The following MAD1L1 variants were observed in gnomAD, a reference collection of about 807,000 sequenced individuals.
MAD1L1 encodes mitotic arrest deficient 1 like 1, also known as mitotic spindle assembly checkpoint protein MAD1.
Under a neutral mutation model 96.9 loss-of-function variants are expected in MAD1L1, and 95 were observed. The observed-to-expected ratio is 0.98, with a 90% confidence interval of 0.83 to 1.16. The LOEUF (loss-of-function observed/expected upper bound fraction) is 1.16, where lower values mean the gene tolerates loss of function less well. Among genes scored for constraint, MAD1L1 ranks in the 50% most tolerant of loss-of-function variants. The pLI is 0.00. For synonymous variants in MAD1L1, 473 were observed against 396.6 expected (o/e 1.19, Z -2.29); for missense variants, 1,007 against 954.4 (o/e 1.06, Z -0.73).
chr7:2,161,002 C>T (rs975490737), intron 10 of MAD1L1, among the ~76,000 whole-genome samples: 2 of 151,712 alleles, frequency 1.3e-5, no homozygotes, highest in African/African-American at 4.8e-5. Context: ...TCCTAACTGA[C>T]GCTCAGCTAT....
intron 17 of MAD1L1, among the ~76,000 whole-genome samples, chr7:1,909,217 C>A (rs546887165): frequency 1.3e-5 from 2 of 152,150 alleles, no homozygotes; most frequent in Non-Finnish European, 2.9e-5. Flanking sequence ...CTGCACGCTG[C>A]GGACACAGGA....
At chr7:1,871,204 C>T (rs1175485220) in intron 18 of MAD1L1, among the ~76,000 whole-genome samples, 4 of 146,996 alleles carry the variant, frequency 2.7e-5, no homozygotes, top group Admixed American at 1.3e-4. Context: ...CATGCTGAAC[C>T]CACCGTAACA....
intron 11 of MAD1L1, among the ~76,000 whole-genome samples, chr7:2,131,998 C>T (rs1176368910): frequency 6.6e-6 from 1 of 152,186 alleles, no homozygotes; most frequent in Non-Finnish European, 1.5e-5. Flanking sequence ...CCCGCCGCGG[C>T]GCTGCCTCCT....
chr7:1,997,288 A>G (rs1781600679), intron 14 of MAD1L1, among the ~76,000 whole-genome samples: 1 of 152,250 alleles, frequency 6.6e-6, no homozygotes. Flanking sequence ...CGGGACGGGC[A>G]CTAGGGCCAT....
intron 17 of MAD1L1, among the ~76,000 whole-genome samples, chr7:1,903,842 C>G (rs369740126): frequency 1.2e-4 from 14 of 120,440 alleles, no homozygotes; most frequent in Middle Eastern, 0.011. Flanking sequence ...CATAATTGAT[C>G]AAGCACTGTT....
intron 12 of MAD1L1, among the ~76,000 whole-genome samples, chr7:2,032,296 G>A (rs1489931195): frequency 6.6e-6 from 1 of 151,748 alleles, no homozygotes; most frequent in Non-Finnish European, 1.5e-5. Flanking sequence ...TTTCAGATGA[G>A]GACAAGGCTC....
intron 12 of MAD1L1, among the ~76,000 whole-genome samples, chr7:2,029,568 G>T (rs1024873091): frequency 1.3e-5 from 2 of 152,110 alleles, no homozygotes; most frequent in African/African-American, 4.8e-5. Flanking sequence ...AGATTAAAAG[G>T]CAGTAATTTT....
chr7:1,889,900 C>T (rs982237379), intron 18 of MAD1L1, among the ~76,000 whole-genome samples: 3 of 152,228 alleles, frequency 2.0e-5, no homozygotes, highest in African/African-American at 7.2e-5. Flanking sequence ...GGGCCTGCTG[C>T]CACAGCTCGT....
At chr7:1,927,232 G>C (rs929284212) in intron 17 of MAD1L1, among the ~76,000 whole-genome samples, 1 of 152,134 alleles carries the variant, frequency 6.6e-6, no homozygotes, top group East Asian at 1.9e-4. Flanking sequence ...AAGAAAATAA[G>C]AAGAACGTAA....
At chr7:2,116,792 G>A (rs1185819966) in intron 11 of MAD1L1, among the ~76,000 whole-genome samples, 1 of 152,228 alleles carries the variant, frequency 6.6e-6, no homozygotes, top group Non-Finnish European at 1.5e-5. Context: ...CCTTAGCCAA[G>A]GAGGCAGGCA....
intron 14 of MAD1L1, among the ~76,000 whole-genome samples, chr7:1,982,340 C>G (rs946051657): frequency 6.6e-6 from 1 of 152,150 alleles, no homozygotes; most frequent in African/African-American, 2.4e-5. Flanking sequence ...TCCCAAGTTG[C>G]TGGGATTACA....
chr7:2,159,357 A>G (rs965958259), intron 10 of MAD1L1, among the ~76,000 whole-genome samples: 1 of 152,096 alleles, frequency 6.6e-6, no homozygotes, highest in Non-Finnish European at 1.5e-5. Context: ...CCTCTTCCAC[A>G]ACACCGCACC....
At chr7:2,144,168 C>A (rs899240356) in intron 11 of MAD1L1, among the ~76,000 whole-genome samples, 2 of 152,224 alleles carry the variant, frequency 1.3e-5, no homozygotes, top group African/African-American at 4.8e-5. Flanking sequence ...CTGTTTAGCC[C>A]GGGGCTCAAG....
chr7:2,080,944 A>G (rs554678711), intron 11 of MAD1L1, among the ~76,000 whole-genome samples: 2 of 152,274 alleles, frequency 1.3e-5, no homozygotes, highest in South Asian at 2.1e-4. Flanking sequence ...TTGTGACATT[A>G]TATCTTGGCC....
At chr7:1,863,917 T>C (rs1224382068) in intron 18 of MAD1L1, among the ~76,000 whole-genome samples, 1 of 152,136 alleles carries the variant, frequency 6.6e-6, no homozygotes, top group African/African-American at 2.4e-5. Flanking sequence ...TGAAACCCCG[T>C]CTCTACTAAA....
chr7:2,182,335 G>T (rs1024764672), intron 10 of MAD1L1, among the ~76,000 whole-genome samples: 3 of 150,878 alleles, frequency 2.0e-5, no homozygotes, highest in African/African-American at 7.3e-5. Flanking sequence ...TAAGAAAAAA[G>T]ACATCATAAT....
At chr7:2,152,351 C>T (rs1391584643) in intron 10 of MAD1L1, among the ~76,000 whole-genome samples, 4 of 152,338 alleles carry the variant, frequency 2.6e-5, no homozygotes, top group Middle Eastern at 6.8e-3. Flanking sequence ...ACACCTCCCA[C>T]GGGCAGAAGC....
At chr7:1,931,732 C>T (rs1027386337) in intron 17 of MAD1L1, among the ~76,000 whole-genome samples, 5 of 152,016 alleles carry the variant, frequency 3.3e-5, no homozygotes, top group Non-Finnish European at 5.9e-5. Context: ...CCTCAGCTCC[C>T]TTACGACTGT....
intron 12 of MAD1L1, among the ~76,000 whole-genome samples, chr7:2,031,690 G>C (rs1269933412): frequency 6.6e-6 from 1 of 152,266 alleles, no homozygotes; most frequent in Admixed American, 6.5e-5. Flanking sequence ...AGTGGCTGCA[G>C]ACGGCCCCTC....
Sources: allele counts gnomAD v4.1 joint callset (sites outside exome capture counted in the v4.1 genomes callset), GRCh38; gene constraint gnomAD v4.1.1; transcripts MANE v1.5; gene names NCBI Gene and HGNC (gene_info 2026-07-23, HGNC 2026-07-21).